Variants in CACNA1S observed in about 807,000 individuals in gnomAD.
CACNA1S encodes the protein calcium voltage-gated channel subunit alpha1 S.
Under a neutral mutation model 207.4 loss-of-function variants are expected in CACNA1S, and 126 were observed. That is an observed-to-expected ratio of 0.61 (90% CI 0.53 to 0.70). CACNA1S has a LOEUF of 0.70. Ranked by LOEUF, CACNA1S falls within the 30% of genes least tolerant of loss-of-function variation. The pLI is 0.00. For synonymous variants in CACNA1S, 960 were observed against 932.7 expected, an observed-to-expected ratio of 1.03 and a Z score of -0.53; for missense variants, 2,349 against 2,422.8, an observed-to-expected ratio of 0.97 and a Z score of 0.64.
At chr1:201,050,253 G>A (rs1388144922) in intron 34 of CACNA1S, 136 bp downstream of exon 34, 1 of 977,136 alleles carries the variant, frequency 1.0e-6, no homozygotes. Context: ...CTGATTCTCT[G>A]ATCTGAGACC....
rs199861975 is a variant in CACNA1S at position 201,112,159 on chromosome 1, C to A, written c.152+29G>T. ...AATCCCTCCCTCATGACGCACACCC[C>A]CCCCCACGGCCCGGGCCCTGAAGGA... On this transcript the variant is annotated intron_variant, in intron 1 of 43. Transcript: ENST00000362061. The A allele has an allele frequency of 4.0e-5, 64 of 1,600,396 alleles. 1 individual carries two copies. Among genetic ancestry groups the A allele is most frequent in the South Asian group, 2.0e-4 (18 of 90,754 alleles).
intron 19 of CACNA1S, among the ~76,000 whole-genome samples, chr1:201,068,785 T>C (rs1201578805): frequency 6.6e-6 from 1 of 151,972 alleles, no homozygotes; most frequent in African/African-American, 2.4e-5. Context: ...GGCAGGAGAA[T>C]CGCTTGAACC....
intron 12 of CACNA1S, 57 bp downstream of exon 12, chr1:201,076,863 C>T: frequency 6.6e-7 from 1 of 1,506,832 alleles, no homozygotes; most frequent in Non-Finnish European, 9.2e-7. Flanking sequence ...TCTTGAAGGA[C>T]AAGAAGCAGG....
At chr1:201,051,245 G>A in intron 32 of CACNA1S, 102 bp from the exon 33 acceptor site, 1 of 1,142,312 alleles carries the variant, frequency 8.8e-7, no homozygotes, top group East Asian at 2.4e-5. Flanking sequence ...GAGCAAACTG[G>A]GGCTGTTGTC....
chr1:201,110,298 A>C, intron 1 of CACNA1S, 29 bp from the exon 2 acceptor site: 4 of 1,595,698 alleles, frequency 2.5e-6, no homozygotes, highest in Non-Finnish European at 3.4e-6. Flanking sequence ...AGAGCCCTCG[A>C]GTGAGGCAAG....
At chr1:201,103,750 G>C (rs888287455) in intron 2 of CACNA1S, among the ~76,000 whole-genome samples, 3 of 152,244 alleles carry the variant, frequency 2.0e-5, no homozygotes, top group South Asian at 4.1e-4. Context: ...AGCCTCCCCA[G>C]ATGGCGAGGG....
rs77044779 is a variant in CACNA1S, at chr1:201,052,445, G to A, written c.3953+112C>T. The A allele has an allele frequency of 6.2e-4, 505 of 808,108 alleles. 1 individual carries two copies. In the African/African-American group the frequency reaches 7.9e-3, roughly 13 times the overall value. The allele number at this position is 808,108 out of a possible 1,614,324, so 50.1% of individuals were successfully genotyped here. A position where few individuals can be genotyped will look rare whatever the true frequency, so the allele number is the denominator to read the frequency against. On this transcript the variant is annotated intron_variant, in intron 32 of 43. Coordinates refer to ENST00000362061, the MANE Select transcript of CACNA1S (RefSeq NM_000069.3). ...CCTTCTGAGTATAGGACCCTGTGTG[G>A]CTGCACAGGTCACACACCCATGAAG... is the stretch of plus-strand genomic sequence containing the variant.
chr1:201,049,925 T>C (rs540292889), intron 34 of CACNA1S, among the ~76,000 whole-genome samples: 1 of 152,258 alleles, frequency 6.6e-6, no homozygotes, highest in South Asian at 2.1e-4. Context: ...GATGCCTATT[T>C]CCTATCGGGA....
At chr1:201,055,002 C>A (rs992600174) in intron 28 of CACNA1S, among the ~76,000 whole-genome samples, 1 of 152,146 alleles carries the variant, frequency 6.6e-6, no homozygotes, top group Non-Finnish European at 1.5e-5. Flanking sequence ...CTGTGGAAGT[C>A]CCATCTCCCA....
chr1:201,106,625 T>A (rs759948687), intron 2 of CACNA1S, among the ~76,000 whole-genome samples: 16 of 152,118 alleles, frequency 1.1e-4, no homozygotes, highest in Non-Finnish European at 2.4e-4. Flanking sequence ...CCTACTGTGG[T>A]GTCTTTTGAT....
At chr1:201,102,091 C>T (rs375531651) in intron 2 of CACNA1S, among the ~76,000 whole-genome samples, 3 of 152,268 alleles carry the variant, frequency 2.0e-5, no homozygotes, top group East Asian at 1.9e-4. Flanking sequence ...CTTGTGCCTC[C>T]GAGCCCAGTG....
Position 201,091,758 on chromosome 1 carries a change from GGC to G in CACNA1S, c.574_575del (p.Ala192HisfsTer48), listed in dbSNP as rs1449622779. 1 of 1,614,080 alleles carries G rather than the reference GGC, an allele frequency of 6.2e-7. No individual in the cohort carries two copies. The highest frequency in any genetic ancestry group is 2.2e-5 in the East Asian group (1 of 44,880). ...GGGCGATGTGAAAGAGGGGGAGCAT[GGC>G]CTTGAAGATGGAGTTCAGGACCACC... ...LQVVLNSIFK[A>X]MLPLFHIALL... On this transcript the variant is annotated frameshift_variant, in exon 5 of 44. Transcript: ENST00000362061. LOFTEE classifies it high-confidence loss of function.
chr1:201,111,653 AC>A (rs890487258), intron 1 of CACNA1S, among the ~76,000 whole-genome samples: 1 of 150,698 alleles, frequency 6.6e-6, no homozygotes, highest in Non-Finnish European at 1.5e-5. Flanking sequence ...GTCCACTGTC[AC>A]CCCCCACCCA....
intron 16 of CACNA1S, among the ~76,000 whole-genome samples, chr1:201,071,016 G>A (rs573978489): frequency 6.6e-6 from 1 of 152,284 alleles, no homozygotes; most frequent in African/African-American, 2.4e-5. Flanking sequence ...CAGGGGATAG[G>A]GGATGAAGAG....
In CACNA1S at chr1:201,088,540, C is replaced by T. The variant is rs1317122965; in HGVS notation, c.901-611G>A. Among the ~76,000 whole-genome samples the T allele has an allele frequency of 2.0e-5, 3 of 152,212 alleles. No individual in the cohort carries two copies. The East Asian group carries it at 5.8e-4, about 29-fold the overall frequency. On this transcript the variant is annotated intron_variant, in intron 6 of 43. Coordinates refer to ENST00000362061, the MANE Select transcript of CACNA1S (RefSeq NM_000069.3). ...CCCCCACCCCCACAATAGGCGGCGTCATATTGTGGTTAATTCTGGATTGGA... is the reference window on the plus strand; with the variant it reads ...CCCCCACCCCCACAATAGGCGGCGTTATATTGTGGTTAATTCTGGATTGGA...
intron 32 of CACNA1S, 99 bp downstream of exon 32, chr1:201,052,458 C>T: frequency 1.1e-6 from 1 of 921,670 alleles, no homozygotes; most frequent in Admixed American, 1.7e-5. Flanking sequence ...GCACAGGTCA[C>T]ACACCCATGA....
chr1:201,098,153 A>T, intron 2 of CACNA1S, among the ~76,000 whole-genome samples: 1 of 152,236 alleles, frequency 6.6e-6, no homozygotes, highest in East Asian at 1.9e-4. Context: ...GCAGGGACTT[A>T]GCTCTGTTCA....
rs367577681 is a variant in CACNA1S, at chr1:201,041,551, G to T, written c.5087C>A (p.Thr1696Lys). The change falls in exon 41 of 44, where the codon ACG becomes AAG. Residue 1696 changes from threonine to lysine, a missense_variant. Transcript: ENST00000362061. ...YEREFPEETE[T>K]PATRGRALGQ... The stretch of plus-strand genomic sequence containing the variant: ...AAGGGCTCGTCCTCTGGTAGCAGGC[G>T]TCTCTGTCTCTTCTGGGAACTCCCT... 1.2e-6 allele frequency: 2 copies of T among 1,614,040 alleles called. No individual in the cohort carries two copies. The highest frequency in any genetic ancestry group is 8.5e-7 in the Non-Finnish European group (1 of 1,179,982).
Position 201,040,053 on chromosome 1 carries a change from C to T in CACNA1S, c.5400G>A (p.Leu1800=), listed in dbSNP as rs1386760958. 4.3e-6 allele frequency: 7 copies of T among 1,614,200 alleles called. No homozygotes were observed. The highest frequency in any genetic ancestry group is 2.2e-5 in the East Asian group (1 of 44,882). ...KALVRGGLGT[L]AADANFIMAT... ...CCATGATGAAGTTTGCATCAGCTGC[C>T]AAGGTGCCCAGGCCCCCTCGAACCA... Residue 1800 remains leucine, a synonymous_variant, in exon 44 of 44, where the codon TTG becomes TTA. Transcript: ENST00000362061.
Sources: allele counts gnomAD v4.1 joint callset (sites outside exome capture counted in the v4.1 genomes callset), GRCh38; gene constraint gnomAD v4.1.1; transcripts MANE v1.5; gene names NCBI Gene and HGNC (gene_info 2026-07-23, HGNC 2026-07-21).